Variants in CEP112 observed in about 807,000 individuals in gnomAD.
CEP112 encodes centrosomal protein 112.
Under a neutral mutation model 153.0 loss-of-function variants are expected in CEP112, and 127 were observed. The observed-to-expected ratio is 0.83, with a 90% CI of 0.72 to 0.96. The LOEUF is 0.96. CEP112 is among the 40% of genes least tolerant of loss of function. The pLI is 0.00. For synonymous variants in CEP112, 358 were observed against 374.4 expected (o/e 0.96, Z 0.51); for missense variants, 1,089 against 1,101.2 (o/e 0.99, Z 0.16).
chr17:66,153,958 T>A (rs1377764569), intron 4 of CEP112, among the ~76,000 whole-genome samples: 1 of 148,124 alleles, frequency 6.8e-6, no homozygotes, highest in Non-Finnish European at 1.5e-5. Context: ...AGGTCAGGAG[T>A]TCGAGACCAG....
intron 12 of CEP112, among the ~76,000 whole-genome samples, chr17:66,037,644 A>T (rs1451022717): frequency 6.6e-6 from 1 of 152,130 alleles, no homozygotes; most frequent in East Asian, 1.9e-4. Flanking sequence ...CCGTAACAAC[A>T]ATTCTTACTC....
chr17:65,933,696 G>T (rs1368789499), intron 18 of CEP112, among the ~76,000 whole-genome samples: 1 of 152,132 alleles, frequency 6.6e-6, no homozygotes, highest in African/African-American at 2.4e-5. Context: ...ATTATGAAAA[G>T]GAGTTATTTA....
chr17:65,844,461 G>A (rs1431365928), intron 21 of CEP112, among the ~76,000 whole-genome samples: 1 of 152,118 alleles, frequency 6.6e-6, no homozygotes, highest in South Asian at 2.1e-4. Context: ...AAGGTGGGCG[G>A]ATCACCTGAG....
At chr17:65,675,826 T>G (rs1396333516) in intron 24 of CEP112, among the ~76,000 whole-genome samples, 1 of 151,990 alleles carries the variant, frequency 6.6e-6, no homozygotes, top group Non-Finnish European at 1.5e-5. Flanking sequence ...TAAATTTTAC[T>G]GCATTCACTG....
At chr17:65,789,146 T>G (rs1214855951) in intron 21 of CEP112, among the ~76,000 whole-genome samples, 2 of 152,180 alleles carry the variant, frequency 1.3e-5, no homozygotes, top group Non-Finnish European at 2.9e-5. Flanking sequence ...CATTTCTTCT[T>G]GAGTCTGTTC....
At chr17:65,862,705 G>A (rs182965270) in intron 20 of CEP112, among the ~76,000 whole-genome samples, 53 of 152,098 alleles carry the variant, frequency 3.5e-4, no homozygotes, top group Admixed American at 2.8e-3. Context: ...GTATGTATCA[G>A]ACACTAGATA....
At chr17:65,792,320 G>A (rs2054637076) in intron 21 of CEP112, among the ~76,000 whole-genome samples, 1 of 152,138 alleles carries the variant, frequency 6.6e-6, no homozygotes, top group African/African-American at 2.4e-5. Context: ...TTTAGTATCA[G>A]TTTACAATGA....
chr17:66,185,374 C>A (rs958265109), intron 1 of CEP112, among the ~76,000 whole-genome samples: 6 of 152,094 alleles, frequency 3.9e-5, no homozygotes, highest in African/African-American at 1.4e-4. Flanking sequence ...AGGCACACAC[C>A]ACCATGCCCG....
chr17:66,037,636 G>A (rs761403237), intron 12 of CEP112, among the ~76,000 whole-genome samples: 42 of 151,706 alleles, frequency 2.8e-4, no homozygotes, highest in Admixed American at 9.2e-4. Context: ...TTGTCTTTCC[G>A]TAACAACAAT....
In CEP112 at chr17:66,006,792, G is replaced by A. The variant is rs1266680157; in HGVS notation, c.1657-1023C>T. The stretch of plus-strand genomic sequence containing the variant: ...CAACTGAGGATGCAGAGCCCAGGTG[G>A]GAGGTGGGAAAGCTCAAGTTACTTG... On this transcript the variant is annotated intron_variant, in intron 16 of 26. Coordinates refer to ENST00000535342, the MANE Select transcript of CEP112 (RefSeq NM_001199165.4). 2.6e-5 allele frequency among the ~76,000 whole-genome samples: 4 copies of A among 152,206 alleles called. No individual in the cohort carries two copies. In the East Asian group the frequency reaches 7.7e-4, roughly 29 times the overall value.
At chr17:65,711,975 A>G (rs1341412679) in intron 23 of CEP112, among the ~76,000 whole-genome samples, 1 of 152,146 alleles carries the variant, frequency 6.6e-6, no homozygotes, top group Non-Finnish European at 1.5e-5. Context: ...AACAAAGCAA[A>G]AATAAAACAC....
intron 6 of CEP112, among the ~76,000 whole-genome samples, chr17:66,114,686 G>T (rs943740923): frequency 1.6e-4 from 25 of 151,996 alleles, no homozygotes; most frequent in African/African-American, 6.0e-4. Context: ...ATTCCAAAAG[G>T]ACTCTCATGC....
intron 20 of CEP112, among the ~76,000 whole-genome samples, chr17:65,865,143 G>A (rs2058442453): frequency 6.6e-6 from 1 of 151,992 alleles, no homozygotes; most frequent in African/African-American, 2.4e-5. Flanking sequence ...CCAGGCTCAA[G>A]CGATCCTCCC....
chr17:66,000,741 C>T (rs1038894783), intron 17 of CEP112, among the ~76,000 whole-genome samples: 3 of 152,136 alleles, frequency 2.0e-5, no homozygotes, highest in Non-Finnish European at 4.4e-5. Flanking sequence ...GCATGTCTGG[C>T]TGAGAGGAGG....
chr17:65,992,965 T>C (rs901677806), intron 17 of CEP112, among the ~76,000 whole-genome samples: 1 of 152,148 alleles, frequency 6.6e-6, no homozygotes, highest in African/African-American at 2.4e-5. Context: ...CGAGGGTACA[T>C]GTGCAGGATG....
At chr17:65,813,888 G>C (rs2145932800) in intron 21 of CEP112, among the ~76,000 whole-genome samples, 1 of 152,142 alleles carries the variant, frequency 6.6e-6, no homozygotes, top group Non-Finnish European at 1.5e-5. Flanking sequence ...TTTTTTTTAT[G>C]ACATTGACAA....
chr17:66,101,555 A>T lies in CEP112; in HGVS notation c.643-4923T>A, dbSNP rs974887485. On this transcript the variant is annotated intron_variant, in intron 6 of 26. Coordinates refer to ENST00000535342, the MANE Select transcript of CEP112 (RefSeq NM_001199165.4). ...TAGTTCCAATAAGGCAAAATCACAAAATTTAAAAGGCAGCAGCAATAAGTT... is the reference window on the plus strand; with the variant it reads ...TAGTTCCAATAAGGCAAAATCACAATATTTAAAAGGCAGCAGCAATAAGTT... Among the ~76,000 whole-genome samples, 3 of 152,218 alleles carry T rather than the reference A, an allele frequency of 2.0e-5. No homozygotes were observed. In the South Asian group the frequency reaches 6.2e-4, roughly 32 times the overall value.
At chr17:65,781,135 G>GT (rs2053972897) in intron 21 of CEP112, among the ~76,000 whole-genome samples, 1 of 152,044 alleles carries the variant, frequency 6.6e-6, no homozygotes, top group African/African-American at 2.4e-5. Context: ...TGAGATTTAA[G>GT]CATTAGCTGT....
rs561917285 is a variant in CEP112 at position 65,898,653 on chromosome 17, C to T, written c.2163+3499G>A. On this transcript the variant is annotated intron_variant, in intron 20 of 26. Transcript: ENST00000535342. ...CCAATGTTTTGCAAGAGCCACTGTA[C>T]TATATGCAAATGCTAAATTCAATAT... 3.3e-5 allele frequency among the ~76,000 whole-genome samples: 5 copies of T among 151,990 alleles called. No individual in the cohort carries two copies. The East Asian group carries it at 9.7e-4, about 29-fold the overall frequency.
Sources: allele counts gnomAD v4.1 joint callset (sites outside exome capture counted in the v4.1 genomes callset), GRCh38; gene constraint gnomAD v4.1.1; transcripts MANE v1.5; gene names NCBI Gene and HGNC (gene_info 2026-07-23, HGNC 2026-07-21).